Variants in PABPC1L observed in about 807,000 individuals in gnomAD.
PABPC1L encodes the protein poly(A) binding protein cytoplasmic 1 like.
Under a neutral mutation model 66.6 loss-of-function variants are expected in PABPC1L, and 31 were observed. That is an observed-to-expected ratio of 0.47 (90% CI 0.35 to 0.63). The LOEUF is 0.63. Ranked by LOEUF, PABPC1L falls within the 20% of genes least tolerant of loss-of-function variation. The pLI is 0.00. For missense variants in PABPC1L, 722 were observed against 848.8 expected, an observed-to-expected ratio of 0.85 and a Z score of 1.86; for synonymous variants, 348 against 335.1, an observed-to-expected ratio of 1.04 and a Z score of -0.42.
At chr20:44,931,046 T>TTCCCTTCCCTTCCC (rs1568650026) in intron 8 of PABPC1L, among the ~76,000 whole-genome samples, 4 of 35,218 alleles carry the variant, frequency 1.1e-4, no homozygotes, top group Non-Finnish European at 1.0e-4. Flanking sequence ...CTTCCCTCCC[T>TTCCCTTCCCTTCCC]TCCCTTCCCT....
At chr20:44,920,467 A>G (rs1027388982) in intron 5 of PABPC1L, among the ~76,000 whole-genome samples, 1 of 151,924 alleles carries the variant, frequency 6.6e-6, no homozygotes, top group African/African-American at 2.4e-5. Flanking sequence ...ATTTTATTTT[A>G]TTTTTATTTA....
chr20:44,911,135 AAAATAAATAAATAAATAAATAAAT>A (rs34724097), intron 1 of PABPC1L, among the ~76,000 whole-genome samples: 30 of 147,632 alleles, frequency 2.0e-4, no homozygotes, highest in Middle Eastern at 3.4e-3. Flanking sequence ...GTGGTAACCT[AAAATAAATAAATAAATAAATAAAT>A]AAATAAATAA....
At chr20:44,911,054 CAT>C (rs1269035376) in intron 1 of PABPC1L, among the ~76,000 whole-genome samples, 1 of 152,152 alleles carries the variant, frequency 6.6e-6, no homozygotes, top group Non-Finnish European at 1.5e-5. Context: ...TCTCCAATAA[CAT>C]AAAGAATGGA....
Position 44,923,587 on chromosome 20 carries a change from C to T in PABPC1L, c.877-574C>T, listed in dbSNP as rs1194504424. ...GAGGTTGCACTGAGCCGAGATTGCA[C>T]CATTGCACTCCAGCCTAGGCAACAA... On this transcript the variant is annotated intron_variant, in intron 6 of 14. Transcript: ENST00000217073. 2.0e-5 allele frequency among the ~76,000 whole-genome samples: 3 copies of T among 151,902 alleles called. No homozygotes were observed. In the East Asian group the frequency reaches 5.8e-4, roughly 29 times the overall value.
chr20:44,931,899 G>T (rs1234733612), intron 8 of PABPC1L: 3 of 153,068 alleles, frequency 2.0e-5, no homozygotes, highest in Admixed American at 6.5e-5. Context: ...AGCTTAGATG[G>T]TCATTTTTTT....
At chr20:44,933,445 GT>G (rs986790928) in intron 10 of PABPC1L, among the ~76,000 whole-genome samples, 129 of 147,436 alleles carry the variant, frequency 8.7e-4, no homozygotes, top group African/African-American at 2.3e-3. Flanking sequence ...GAATTTAAAT[GT>G]TTTTTTTTTT....
chr20:44,910,532 C>A (rs1210239839), intron 1 of PABPC1L, among the ~76,000 whole-genome samples, 196 bp downstream of exon 1: 1 of 151,368 alleles, frequency 6.6e-6, no homozygotes, highest in Non-Finnish European at 1.5e-5. Flanking sequence ...TACTGCTATT[C>A]CTCTACAGAG....
chr20:44,927,851 A>T (rs79513427), intron 7 of PABPC1L, among the ~76,000 whole-genome samples: 2 of 152,022 alleles, frequency 1.3e-5, no homozygotes, highest in African/African-American at 4.8e-5. Flanking sequence ...CTATGCCTGG[A>T]TAATTATTTT....
intron 7 of PABPC1L, among the ~76,000 whole-genome samples, chr20:44,926,438 G>A (rs979180489): frequency 6.6e-6 from 1 of 151,802 alleles, no homozygotes; most frequent in African/African-American, 2.4e-5. Flanking sequence ...TGTTGGCCGG[G>A]CTGGTCTCAA....
In PABPC1L at chr20:44,930,574, C is replaced by T; in HGVS notation, c.1087C>T (p.Leu363Phe). 1 of 1,614,278 alleles carries T rather than the reference C, an allele frequency of 6.2e-7. No individual in the cohort carries two copies. Among genetic ancestry groups the T allele is most frequent in the Non-Finnish European group, 8.5e-7 (1 of 1,180,048 alleles). The part of the protein sequence containing the change: ...MNGRIVGTKP[L>F]YVALAQRKEE... The stretch of plus-strand genomic sequence containing the variant: ...CGGGCGCATCGTGGGCACCAAGCCA[C>T]TCTACGTGGCACTGGCCCAGCGCAA... Residue 363 changes from leucine (L) to phenylalanine (F), a missense_variant, in exon 8 of 15, where the codon CTC (leucine) becomes TTC (phenylalanine). This residue lies in a region of PABPC1L where 137 missense variants were observed against 216.8 expected (regional missense o/e 0.63). Transcript: ENST00000217073.
chr20:44,921,614 G>C lies in PABPC1L; in HGVS notation c.759G>C (p.Gly253=). Residue 253 remains glycine, a synonymous_variant, in exon 6 of 15, where the codon GGG becomes GGC. Coordinates refer to ENST00000217073, the MANE Select transcript of PABPC1L (RefSeq NM_001372179.1). ...CCCAGGCCGTGGTCCATATGAACGG[G>C]AAGGAGGTGAGCGGGCGGCTGCTGT... ...EAQKAVVHMN[G]KEVSGRLLYA... The C allele has an allele frequency of 6.2e-7, 1 of 1,614,056 alleles. No individual in the cohort carries two copies.
intron 7 of PABPC1L, among the ~76,000 whole-genome samples, chr20:44,929,533 G>A (rs1568648767): frequency 6.6e-6 from 1 of 152,094 alleles, no homozygotes; most frequent in Admixed American, 6.6e-5. Context: ...GGTGGCTCAC[G>A]CCTGTAATCC....
At chr20:44,935,827 C>T (rs1240009434) in intron 11 of PABPC1L, among the ~76,000 whole-genome samples, 1 of 152,144 alleles carries the variant, frequency 6.6e-6, no homozygotes, top group African/African-American at 2.4e-5. Context: ...AAAATACTTA[C>T]TGTAATCAAA....
At chr20:44,921,838 G>C in intron 6 of PABPC1L, 107 bp downstream of exon 6, 1 of 1,523,936 alleles carries the variant, frequency 6.6e-7, no homozygotes, top group Non-Finnish European at 8.9e-7. Context: ...CTGGGCACTT[G>C]GCTCAAGGCG....
chr20:44,931,073 C>CT lies in PABPC1L; in HGVS notation c.1239+348dup, dbSNP rs1568650136. Among the ~76,000 whole-genome samples the CT allele has an allele frequency of 5.1e-3, 380 of 74,370 alleles. 12 individuals carry two copies. Among genetic ancestry groups the CT allele is most frequent in the African/African-American group, 0.016 (365 of 22,562 alleles). The allele number at this position is 74,370 out of a possible 152,430, so 48.8% of individuals were successfully genotyped here. A position where few individuals can be genotyped will look rare whatever the true frequency, so the allele number is the denominator to read the frequency against. The stretch of plus-strand genomic sequence containing the variant: ...CCCTTCCCTTCCCTTCCCTCCCTCC[C>CT]TCCCTCCCTCCCTCCCTTCCTTCCT... On this transcript the variant is annotated intron_variant, in intron 8 of 14. Transcript: ENST00000217073.
At chr20:44,935,024 C>T (rs528416860) in intron 10 of PABPC1L, among the ~76,000 whole-genome samples, 63 of 151,106 alleles carry the variant, frequency 4.2e-4, no homozygotes, top group Admixed American at 1.6e-3. Flanking sequence ...GCCGAGATAA[C>T]ACCACTGCAC....
rs779041204 is a variant in PABPC1L at position 44,932,367 on chromosome 20, G to T, written c.1265G>T (p.Gly422Val). Residue 422 changes from glycine (G) to valine (V), a missense_variant, in exon 9 of 15, where the codon GGC becomes GTC. Physicochemically the swap from Gly to Val is moderately radical, Grantham distance 109. Around this residue, in one of 3 missense-constraint regions of PABPC1L, gnomAD observed 301 missense variants for 337.2 expected, o/e 0.89. Transcript: ENST00000217073. ...CCTCCAGCCCAGGCTGCATACTATG[G>T]CTGTGGCCCAGTGACACCCACCCAG... ...PQPPAQAAYY[G>V]CGPVTPTQPA... 3.1e-6 allele frequency: 5 copies of T among 1,613,610 alleles called. No individual in the cohort carries two copies. Among genetic ancestry groups the T allele is most frequent in the African/African-American group, 2.7e-5 (2 of 74,882 alleles).
chr20:44,924,006 A>G lies in PABPC1L; in HGVS notation c.877-155A>G, dbSNP rs114756570. On this transcript the variant is annotated intron_variant, in intron 6 of 14. Transcript: ENST00000217073. ...TTGCATGTGATGGGCACGCTGAGGG[A>G]TGGGGGTACCTGGGTGCTGAGGGAG... Among the ~76,000 whole-genome samples, 141 of 152,112 alleles carry G rather than the reference A, an allele frequency of 9.3e-4. 1 individual carries two copies. Among genetic ancestry groups the G allele is most frequent in the African/African-American group, 3.3e-3 (137 of 41,498 alleles).
chr20:44,922,590 C>T (rs1028517201), intron 6 of PABPC1L, among the ~76,000 whole-genome samples: 3 of 151,946 alleles, frequency 2.0e-5, no homozygotes, highest in Admixed American at 2.0e-4. Flanking sequence ...AGGCTGGTCT[C>T]GAACTCCTGA....
Sources: allele counts gnomAD v4.1 joint callset (sites outside exome capture counted in the v4.1 genomes callset), GRCh38; gene constraint gnomAD v4.1.1; regional missense constraint gnomAD v4.1.1; transcripts MANE v1.5; gene names NCBI Gene and HGNC (gene_info 2026-07-23, HGNC 2026-07-21).